Variants in ZNRF3 observed in about 807,000 individuals in gnomAD.
The protein encoded by ZNRF3 is zinc and ring finger 3.
A neutral mutation model predicts 72.5 loss-of-function variants in ZNRF3; 23 were observed. That is an observed-to-expected ratio of 0.32 (90% confidence interval 0.23 to 0.45). ZNRF3 has a LOEUF of 0.45. Ranked by LOEUF, ZNRF3 falls within the 20% of genes least tolerant of loss-of-function variation. The pLI, the probability that ZNRF3 is intolerant of heterozygous loss-of-function variation, is 1.00. For missense variants in ZNRF3, 1,169 were observed against 1,272.1 expected (o/e 0.92, Z 1.23); for synonymous variants, 610 against 545.3 (o/e 1.12, Z -1.65).
chr22:28,946,215 C>G (rs1157359551), intron 1 of ZNRF3, among the ~76,000 whole-genome samples: 1 of 152,154 alleles, frequency 6.6e-6, no homozygotes, highest in Admixed American at 6.5e-5. Context: ...CTCTTCACCC[C>G]CCGAAAATTA....
At chr22:28,967,037 G>T (rs149655362) in intron 1 of ZNRF3, among the ~76,000 whole-genome samples, 1 of 151,700 alleles carries the variant, frequency 6.6e-6, no homozygotes, top group Admixed American at 6.6e-5. Context: ...CTGTCACCAC[G>T]CCCATCTAAT....
Position 29,049,351 on chromosome 22 carries a change from C to T in ZNRF3, c.1170C>T (p.His390=). 6.2e-7 allele frequency: 1 copy of T among 1,613,660 alleles called. No homozygotes were observed. Among genetic ancestry groups the T allele is most frequent in the Non-Finnish European group, 8.5e-7 (1 of 1,180,020 alleles). ...AYPTRTSMDS[H]GNPVTLLTMD... ...CTACGAGGACAAGCATGGACTCCCA[C>T]GGCAACCCCGTCACCTTGCTGACCA... The change falls in exon 8 of 9, where the codon CAC becomes CAT. Residue 390 remains histidine, a synonymous_variant. Coordinates refer to ENST00000544604, the MANE Select transcript of ZNRF3 (RefSeq NM_001206998.2). The surrounding 1 kb of genome is among the most constrained non-coding windows in gnomAD (Gnocchi z 5.2).
chr22:28,884,879 G>A (rs573430103), intron 1 of ZNRF3, among the ~76,000 whole-genome samples: 8 of 152,332 alleles, frequency 5.3e-5, no homozygotes, highest in Admixed American at 1.3e-4. Context: ...CTCTTTGGAG[G>A]AGGGACTCTC....
intron 2 of ZNRF3, chr22:29,018,159 C>A: frequency 2.2e-6 from 1 of 454,846 alleles, no homozygotes; most frequent in Non-Finnish European, 4.4e-6. Flanking sequence ...AGACTTGAAT[C>A]TGAGAAGGAT....
chr22:29,043,151 C>A, intron 3 of ZNRF3, 148 bp from the exon 4 acceptor site: 1 of 852,090 alleles, frequency 1.2e-6, no homozygotes, highest in Non-Finnish European at 1.7e-6. Context: ...CTCAGCCTTG[C>A]TCTTCTGGGA....
chr22:29,054,832 G>A lies in ZNRF3; in HGVS notation c.*1210G>A, dbSNP rs1184262802. Reference sequence around the variant, plus strand: ...GGTCTGCACTGAGCTCCATTTGAATGATACCTTTCCTATCCCATTTCCCCC... The same window carrying A: ...GGTCTGCACTGAGCTCCATTTGAATAATACCTTTCCTATCCCATTTCCCCC... On this transcript the variant is annotated 3_prime_UTR_variant, in exon 9 of 9. Coordinates refer to ENST00000544604, the MANE Select transcript of ZNRF3 (RefSeq NM_001206998.2). The A allele has an allele frequency of 7.3e-6, 1 of 137,678 alleles. No homozygotes were observed. The highest frequency in any genetic ancestry group is 1.6e-5 in the Non-Finnish European group (1 of 63,954). The allele number at this position is 137,678 out of a possible 1,614,324, so 8.5% of individuals were successfully genotyped here.
chr22:28,922,920 G>C (rs1417070927), intron 1 of ZNRF3, among the ~76,000 whole-genome samples: 1 of 152,126 alleles, frequency 6.6e-6, no homozygotes, highest in East Asian at 1.9e-4. Context: ...AGCATGAATA[G>C]TGCTCCCTTT....
chr22:28,916,562 A>C (rs561134848), intron 1 of ZNRF3, among the ~76,000 whole-genome samples: 2 of 152,278 alleles, frequency 1.3e-5, no homozygotes, highest in East Asian at 3.9e-4. Context: ...AAAAAAGCTC[A>C]TATGTTTTGT....
intron 2 of ZNRF3, chr22:29,025,366 G>A (rs563962609): frequency 6.6e-6 from 1 of 152,378 alleles, no homozygotes; most frequent in East Asian, 1.9e-4. Context: ...GCTGCTGGCT[G>A]GCCTTCTCTT....
intron 2 of ZNRF3, among the ~76,000 whole-genome samples, chr22:29,004,409 C>T (rs1369126540): frequency 2.0e-5 from 3 of 152,152 alleles, no homozygotes; most frequent in African/African-American, 4.8e-5. Context: ...CAAGAGCCAC[C>T]TTTTCAGTCT....
chr22:28,943,821 C>T (rs114143805), intron 1 of ZNRF3, among the ~76,000 whole-genome samples: 5,158 of 152,118 alleles, frequency 0.034, 187 homozygotes, highest in African/African-American at 0.092. Flanking sequence ...TTATTTTCTC[C>T]CAAAGCATTA....
chr22:28,914,626 C>G (rs901991057), intron 1 of ZNRF3, among the ~76,000 whole-genome samples: 1 of 151,206 alleles, frequency 6.6e-6, no homozygotes, highest in Non-Finnish European at 1.5e-5. Flanking sequence ...ACCAGCCTGA[C>G]CAACATGGTG....
intron 1 of ZNRF3, among the ~76,000 whole-genome samples, chr22:28,964,626 A>G (rs1423458472): frequency 1.3e-5 from 2 of 152,308 alleles, no homozygotes; most frequent in East Asian, 3.9e-4. Flanking sequence ...CCCACCTCCT[A>G]TCTCTTGGGA....
intron 1 of ZNRF3, among the ~76,000 whole-genome samples, chr22:28,945,350 C>T (rs1453024765): frequency 1.3e-5 from 2 of 151,844 alleles, no homozygotes; most frequent in Non-Finnish European, 2.9e-5. Context: ...GGAAAATGCT[C>T]ATAAGTGAAA....
At chr22:28,905,649 T>C (rs2034192555) in intron 1 of ZNRF3, among the ~76,000 whole-genome samples, 2 of 152,218 alleles carry the variant, frequency 1.3e-5, no homozygotes, top group Admixed American at 1.3e-4. Context: ...TCTCAGCTGC[T>C]GTTACTTACC....
At chr22:28,955,745 C>T (rs1019068888) in intron 1 of ZNRF3, among the ~76,000 whole-genome samples, 4 of 151,264 alleles carry the variant, frequency 2.6e-5, no homozygotes, top group Non-Finnish European at 5.9e-5. Context: ...ATAGCGAGAC[C>T]CTGTCTCTAT....
At chr22:28,944,363 C>G (rs2035006849) in intron 1 of ZNRF3, among the ~76,000 whole-genome samples, 1 of 152,140 alleles carries the variant, frequency 6.6e-6, no homozygotes, top group Non-Finnish European at 1.5e-5. Flanking sequence ...TGGCTCACAC[C>G]TGTAATCCTA....
intron 1 of ZNRF3, among the ~76,000 whole-genome samples, chr22:28,903,460 C>G (rs575245883): frequency 6.6e-6 from 1 of 152,294 alleles, no homozygotes; most frequent in African/African-American, 2.4e-5. Context: ...TTGGTTTGAT[C>G]CAGCGTGTGA....
At chr22:28,958,333 A>G (rs1000299167) in intron 1 of ZNRF3, among the ~76,000 whole-genome samples, 48 of 152,252 alleles carry the variant, frequency 3.2e-4, no homozygotes, top group African/African-American at 1.2e-3. Context: ...TGGGCAGGCA[A>G]TAAAGCAGTG....
Sources: allele counts gnomAD v4.1 joint callset (sites outside exome capture counted in the v4.1 genomes callset), GRCh38; gene constraint gnomAD v4.1.1; non-coding constraint Gnocchi (gnomAD v3.1); transcripts MANE v1.5; gene names NCBI Gene and HGNC (gene_info 2026-07-23, HGNC 2026-07-21).